The following TYW1B variants were observed in gnomAD, a reference collection of about 807,000 sequenced individuals.
TYW1B encodes S-adenosyl-L-methionine-dependent tRNA 4-demethylwyosine synthase TYW1B.
TYW1B carries 73 observed loss-of-function variants against 86.9 expected under a neutral mutation model. The observed-to-expected ratio is 0.84, with a 90% CI of 0.70 to 1.02. TYW1B has a LOEUF of 1.02. Ranked by LOEUF, TYW1B falls within the 50% of genes least tolerant of loss-of-function variation. The pLI, the probability that TYW1B is intolerant of heterozygous loss-of-function variation, is 0.00. For synonymous variants in TYW1B, 248 were observed against 292.8 expected, an observed-to-expected ratio of 0.85 and a Z score of 1.56; for missense variants, 637 against 827.4, an observed-to-expected ratio of 0.77 and a Z score of 2.82.
chr7:72,671,861 T>C (rs1453005188), intron 11 of TYW1B, among the ~76,000 whole-genome samples: 3 of 119,606 alleles, frequency 2.5e-5, no homozygotes, highest in Non-Finnish European at 5.4e-5. Context: ...TTTTTTTTTT[T>C]CAGAACTATT....
chr7:72,719,631 CAAAAAA>C (rs67560586), intron 9 of TYW1B, among the ~76,000 whole-genome samples: 3 of 65,056 alleles, frequency 4.6e-5, no homozygotes, highest in Non-Finnish European at 8.1e-5. Flanking sequence ...ATTCCGTCTC[CAAAAAA>C]AAAAAAAAAA....
At position 72,616,692 on chromosome 7, in the gene TYW1B, G is replaced by A. The variant is rs782275280; in HGVS notation, c.1765C>T (p.Leu589Phe). The change falls in exon 13 of 14, where the codon CTC becomes TTC. Residue 589 changes from leucine to phenylalanine, a missense_variant. Coordinates refer to ENST00000620995, the MANE Select transcript of TYW1B (RefSeq NM_001145440.3). The stretch of plus-strand genomic sequence containing the variant: ...CTTACCTTTCTGTGTGCTATCAGGA[G>A]GCAATTAGAGTGTTCGTGTTCACAT... ...IACEHEHSNC[L>F]LIAHRKFKIG... 1 of 1,614,034 alleles carries A rather than the reference G, an allele frequency of 6.2e-7. No individual in the cohort carries two copies. Among genetic ancestry groups the A allele is most frequent in the Non-Finnish European group, 8.5e-7 (1 of 1,180,008 alleles).
chr7:72,640,627 C>A lies in TYW1B; in HGVS notation c.1507-11630G>T, dbSNP rs1453722868. ...GATTCACCAAAAATATGTAACAATT[C>A]TTAACTAGTATAAACAATATACTAG... On this transcript the variant is annotated intron_variant, in intron 11 of 13. Coordinates refer to ENST00000620995, the MANE Select transcript of TYW1B (RefSeq NM_001145440.3). Among the ~76,000 whole-genome samples the A allele has an allele frequency of 5.9e-5, 9 of 151,996 alleles. No individual in the cohort carries two copies. In the East Asian group the frequency reaches 1.7e-3, roughly 29 times the overall value.
intron 11 of TYW1B, among the ~76,000 whole-genome samples, chr7:72,661,404 CA>C (rs1334861115): frequency 5.3e-5 from 8 of 151,194 alleles, no homozygotes; most frequent in African/African-American, 1.5e-4. Flanking sequence ...ATGGGTCAGA[CA>C]GGGGGGAAAA....
intron 7 of TYW1B, chr7:72,768,984 C>A: frequency 6.2e-6 from 2 of 322,850 alleles, no homozygotes; most frequent in South Asian, 3.9e-5. Flanking sequence ...TCTTCTCTAC[C>A]TTACTATTAT....
At chr7:72,826,668 G>C (rs1174839757) in intron 2 of TYW1B, among the ~76,000 whole-genome samples, 187 bp downstream of exon 2, 1 of 152,070 alleles carries the variant, frequency 6.6e-6, no homozygotes, top group African/African-American at 2.4e-5. Flanking sequence ...ACCTATCAAA[G>C]AAAAAGTAAG....
intron 11 of TYW1B, among the ~76,000 whole-genome samples, chr7:72,650,526 G>A (rs2129569199): frequency 6.6e-6 from 1 of 152,132 alleles, no homozygotes; most frequent in East Asian, 1.9e-4. Context: ...TATCTAATGT[G>A]CATTATTTAC....
At chr7:72,707,064 T>C (rs1450753692) in intron 10 of TYW1B, among the ~76,000 whole-genome samples, 1 of 152,236 alleles carries the variant, frequency 6.6e-6, no homozygotes, top group Non-Finnish European at 1.5e-5. Flanking sequence ...TGTTGTGCTG[T>C]ATGTAGACTG....
intron 13 of TYW1B, among the ~76,000 whole-genome samples, chr7:72,589,945 A>G (rs1295599527): frequency 1.3e-5 from 2 of 152,250 alleles, no homozygotes; most frequent in Non-Finnish European, 2.9e-5. Flanking sequence ...GAAAAAGCAC[A>G]GGAAAGTCCT....
intron 11 of TYW1B, among the ~76,000 whole-genome samples, chr7:72,630,858 G>A (rs1207023586): frequency 6.6e-6 from 1 of 151,958 alleles, no homozygotes; most frequent in African/African-American, 2.4e-5. Context: ...AAAAATAGTA[G>A]AAAACTGCAG....
At chr7:72,664,089 C>T (rs1813402539) in intron 11 of TYW1B, among the ~76,000 whole-genome samples, 1 of 152,022 alleles carries the variant, frequency 6.6e-6, no homozygotes, top group Non-Finnish European at 1.5e-5. Context: ...CTCAAAGCAC[C>T]CCCACAAACC....
At chr7:72,628,080 C>T (rs782130487) in intron 12 of TYW1B, among the ~76,000 whole-genome samples, 18 of 152,052 alleles carry the variant, frequency 1.2e-4, no homozygotes, top group Non-Finnish European at 1.2e-4. Context: ...TCGCTTGAGG[C>T]CAGGAGTTTG....
intron 7 of TYW1B, among the ~76,000 whole-genome samples, chr7:72,751,575 C>G (rs1173224289): frequency 2.6e-5 from 4 of 152,180 alleles, no homozygotes; most frequent in African/African-American, 9.7e-5. Flanking sequence ...ATGGCTGAAG[C>G]ATTTTTATGA....
intron 11 of TYW1B, among the ~76,000 whole-genome samples, chr7:72,664,255 T>C (rs1813407352): frequency 6.6e-6 from 1 of 151,940 alleles, no homozygotes; most frequent in African/African-American, 2.4e-5. Context: ...TGGGTTTCTT[T>C]TTTTTTTCCA....
At chr7:72,614,490 G>T (rs1419918459) in intron 13 of TYW1B, among the ~76,000 whole-genome samples, 1 of 152,060 alleles carries the variant, frequency 6.6e-6, no homozygotes, top group African/African-American at 2.4e-5. Flanking sequence ...AAAATTAAAT[G>T]GGTGTGGTGG....
chr7:72,708,127 G>C (rs547794525), intron 10 of TYW1B, among the ~76,000 whole-genome samples: 18 of 152,186 alleles, frequency 1.2e-4, no homozygotes, highest in African/African-American at 4.1e-4. Context: ...GGCAATGCGA[G>C]AACAGACTAA....
intron 11 of TYW1B, among the ~76,000 whole-genome samples, chr7:72,649,051 G>C (rs1398521109): frequency 3.9e-5 from 6 of 152,174 alleles, no homozygotes; most frequent in African/African-American, 1.4e-4. Flanking sequence ...GAGAAATTAG[G>C]TGAGGGTGCT....
rs766040186 is a variant in TYW1B at position 72,628,991 on chromosome 7, G to A, written c.1513C>T (p.Arg505Ter). ...SLKALAVKQQ[R>*]TVYRLMLVKA... is the part of the protein sequence containing the mutation. ...ACGAGCATCAGTCTGTAGACAGTTC[G>A]TTGTTGCTAAAACAAAGGAAAAGCC... The change falls in exon 12 of 14, where the codon CGA (arginine) becomes TGA (stop). Residue 505 changes from arginine to a stop codon, truncating the protein, a stop_gained. Transcript: ENST00000620995. LOFTEE classifies it high-confidence loss of function. 2.6e-5 allele frequency: 42 copies of A among 1,587,306 alleles called. No individual in the cohort carries two copies. The highest frequency in any genetic ancestry group is 6.9e-5 in the East Asian group (3 of 43,180).
chr7:72,629,237 T>C (rs1169290731), intron 11 of TYW1B, among the ~76,000 whole-genome samples: 1 of 152,172 alleles, frequency 6.6e-6, no homozygotes, highest in African/African-American at 2.4e-5. Context: ...CCCCACAACA[T>C]TTAACATTAT....
Sources: allele counts gnomAD v4.1 joint callset (sites outside exome capture counted in the v4.1 genomes callset), GRCh38; gene constraint gnomAD v4.1.1; transcripts MANE v1.5; gene names NCBI Gene and HGNC (gene_info 2026-07-23, HGNC 2026-07-21).